Variants in KLF8 observed in about 807,000 individuals in gnomAD.
KLF8 encodes the protein Krueppel-like factor 8.
A neutral mutation model predicts 18.2 loss-of-function variants in KLF8; 10 were observed. The ratio of observed to expected loss-of-function variants is 0.55; its 90% confidence interval spans 0.34 to 0.93. The LOEUF is 0.93. KLF8 is among the 40% of genes least tolerant of loss of function. The pLI is 0.02. For synonymous variants in KLF8, 109 were observed against 97.3 expected (o/e 1.12, Z -0.71); for missense variants, 264 against 277.9 (o/e 0.95, Z 0.36).
the KLF8 span, among the ~76,000 whole-genome samples, chrX:56,121,040 G>C: frequency 1.8e-5 from 2 of 109,776 alleles, no homozygotes; most frequent in Non-Finnish European, 3.8e-5. Context: ...CAAAAAATTA[G>C]CCGGACGTGG....
chrX:56,053,289 G>A, the KLF8 span, among the ~76,000 whole-genome samples: 1 of 111,490 alleles, frequency 9.0e-6, no homozygotes, highest in Non-Finnish European at 1.9e-5. Context: ...CCTATTTTTT[G>A]TTTTGTTTAT....
chrX:56,023,341 T>C, the KLF8 span, among the ~76,000 whole-genome samples: 2 of 111,944 alleles, frequency 1.8e-5, no homozygotes, highest in African/African-American at 3.2e-5. Flanking sequence ...TTAAATTGAT[T>C]AGCTGCTGTA....
the KLF8 span, among the ~76,000 whole-genome samples, chrX:55,955,102 T>G: frequency 6.3e-5 from 7 of 111,534 alleles, no homozygotes; most frequent in Non-Finnish European, 1.3e-4. Context: ...CTAAAACTTA[T>G]TAAATTATAC....
the KLF8 span, among the ~76,000 whole-genome samples, chrX:56,120,719 AAAAG>A: frequency 1.2e-4 from 13 of 111,427 alleles, no homozygotes; most frequent in African/African-American, 3.9e-4. Flanking sequence ...AGGTGAGAGA[AAAAG>A]AGAATATGCC....
At chrX:56,201,111 A>T in the KLF8 span, among the ~76,000 whole-genome samples, 1 of 112,037 alleles carries the variant, frequency 8.9e-6, no homozygotes, top group Non-Finnish European at 1.9e-5. Context: ...ACTTCTAGGT[A>T]TTTATCCAAA....
the KLF8 span, among the ~76,000 whole-genome samples, chrX:56,029,888 T>C: frequency 8.9e-6 from 1 of 111,847 alleles, no homozygotes; most frequent in African/African-American, 3.3e-5. Flanking sequence ...TCCCTCCTTA[T>C]GGCTTTCTCT....
At chrX:56,252,223 A>G (rs1047373993) in intron 2 of KLF8, among the ~76,000 whole-genome samples, 1 of 111,494 alleles carries the variant, frequency 9.0e-6, no homozygotes, top group Non-Finnish European at 1.9e-5. Context: ...CATGTTGGCC[A>G]GGCTGGTCTC....
the KLF8 span, among the ~76,000 whole-genome samples, chrX:55,997,475 C>T: frequency 9.0e-6 from 1 of 111,564 alleles, no homozygotes; most frequent in Admixed American, 9.5e-5. Flanking sequence ...CTCCAATGCT[C>T]ATTTAACTCA....
At chrX:55,933,760 A>T in the KLF8 span, among the ~76,000 whole-genome samples, 1 of 112,078 alleles carries the variant, frequency 8.9e-6, no homozygotes, top group African/African-American at 3.2e-5. Flanking sequence ...AACAGTTGTT[A>T]GCTGTGACTT....
the KLF8 span, among the ~76,000 whole-genome samples, chrX:56,153,710 C>A: frequency 2.7e-5 from 3 of 111,357 alleles, no homozygotes; most frequent in East Asian, 8.4e-4. Context: ...TCTCCTTAAG[C>A]TGATAGGCAA....
At chrX:55,995,382 C>T in the KLF8 span, among the ~76,000 whole-genome samples, 2 of 112,236 alleles carry the variant, frequency 1.8e-5, no homozygotes, top group Non-Finnish European at 3.8e-5. Flanking sequence ...AACCCATTTA[C>T]ATTCAAAGTT....
the KLF8 span, among the ~76,000 whole-genome samples, chrX:56,137,852 T>A: frequency 9.2e-6 from 1 of 108,198 alleles, no homozygotes; most frequent in Non-Finnish European, 1.9e-5. Flanking sequence ...ATAACCAAAC[T>A]GGGTTTTAAA....
chrX:56,180,187 C>T, the KLF8 span, among the ~76,000 whole-genome samples: 2 of 111,771 alleles, frequency 1.8e-5, no homozygotes, highest in South Asian at 3.7e-4. Context: ...TTGGTCTATT[C>T]AGCAATTCAA....
the KLF8 span, among the ~76,000 whole-genome samples, chrX:56,105,452 C>G: frequency 2.7e-5 from 3 of 111,111 alleles, no homozygotes; most frequent in African/African-American, 9.8e-5. Context: ...TGAACTGATC[C>G]CTTTACCATT....
chrX:56,210,855 A>G, the KLF8 span, among the ~76,000 whole-genome samples: 1 of 108,605 alleles, frequency 9.2e-6, no homozygotes, highest in African/African-American at 3.3e-5. Context: ...TGCCAATTGC[A>G]TTTTTCAGCT....
At chrX:56,061,869 C>T in the KLF8 span, among the ~76,000 whole-genome samples, 11 of 110,341 alleles carry the variant, frequency 1.0e-4, no homozygotes, top group East Asian at 1.4e-3. Flanking sequence ...TATATATTTA[C>T]GATAGTTACC....
At position 56,286,048 on chromosome X, in the gene KLF8, C is replaced by T. The variant is rs974127195; in HGVS notation, c.*1554C>T. On this transcript the variant is annotated 3_prime_UTR_variant, in exon 6 of 6. Coordinates refer to ENST00000468660, the MANE Select transcript of KLF8 (RefSeq NM_007250.5). ...CGTTAACCATCTAGTCCTATCCATC[C>T]CTCATATTTTACAGATGAGACAAAT... 1.8e-5 allele frequency: 2 copies of T among 111,530 alleles called. No homozygotes were observed. The highest frequency in any genetic ancestry group is 3.8e-5 in the Non-Finnish European group (2 of 53,119). 9.2% of individuals were successfully genotyped at this position (111,530 alleles called of 1,213,427 possible). A position where few individuals can be genotyped will look rare whatever the true frequency, so the allele number is the denominator to read the frequency against.
the KLF8 span, among the ~76,000 whole-genome samples, chrX:56,017,019 A>G: frequency 9.0e-6 from 1 of 111,720 alleles, no homozygotes; most frequent in African/African-American, 3.2e-5. Flanking sequence ...GAGGTGCTAT[A>G]TATCTATATT....
chrX:56,045,570 T>A, the KLF8 span, among the ~76,000 whole-genome samples: 2 of 112,141 alleles, frequency 1.8e-5, no homozygotes, highest in African/African-American at 3.2e-5. Flanking sequence ...ATGATTTCTT[T>A]TAGCAGTGTT....
Sources: gnomAD v4.1 joint callset for allele counts (sites outside exome capture counted in the v4.1 genomes callset) on GRCh38, gnomAD v4.1.1 for gene constraint, MANE v1.5 for transcripts, NCBI Gene and HGNC (gene_info 2026-07-23, HGNC 2026-07-21) for gene names.